Variants in ADGRF5 observed in about 807,000 individuals in gnomAD.
ADGRF5 encodes the protein G-protein coupled receptor 116.
ADGRF5 carries 75 observed loss-of-function variants against 132.3 expected under a neutral mutation model. The observed-to-expected ratio is 0.57, with a 90% confidence interval of 0.47 to 0.69. The LOEUF is 0.69. Ranked by LOEUF, ADGRF5 falls within the 30% of genes least tolerant of loss-of-function variation. The probability of loss-of-function intolerance (pLI) is 0.00; values close to 1 mark genes in which losing one functional copy is unlikely to be tolerated. For synonymous variants in ADGRF5, 629 were observed against 597.6 expected (o/e 1.05, Z -0.77); for missense variants, 1,516 against 1,630.6 (o/e 0.93, Z 1.21).
chr6:46,873,892 A>G (rs1442140195), intron 10 of ADGRF5, among the ~76,000 whole-genome samples: 1 of 151,920 alleles, frequency 6.6e-6, no homozygotes, highest in African/African-American at 2.4e-5. Flanking sequence ...CTCACCTTTT[A>G]CCCCTACTCA....
chr6:46,944,875 C>T (rs571645493), intron 1 of ADGRF5, among the ~76,000 whole-genome samples: 1 of 152,226 alleles, frequency 6.6e-6, no homozygotes, highest in African/African-American at 2.4e-5. Flanking sequence ...GTCTTATGAA[C>T]TTCTGGGAGA....
intron 1 of ADGRF5, among the ~76,000 whole-genome samples, chr6:46,915,584 T>A (rs55771214): frequency 1.3e-5 from 2 of 152,282 alleles, no homozygotes; most frequent in African/African-American, 2.4e-5. Context: ...ATGGCCCCCA[T>A]CCATTCCATC....
intron 4 of ADGRF5, among the ~76,000 whole-genome samples, chr6:46,884,816 A>T (rs1315445167): frequency 6.6e-6 from 1 of 152,208 alleles, no homozygotes; most frequent in South Asian, 2.1e-4. Context: ...AAGACACATC[A>T]TGGAGAGGTC....
intron 1 of ADGRF5, among the ~76,000 whole-genome samples, chr6:46,914,039 A>AATGAGCCTGAAAATAG (rs1776214253): frequency 6.6e-6 from 1 of 152,182 alleles, no homozygotes; most frequent in Non-Finnish European, 1.5e-5. Context: ...ATAGAGACTA[A>AATGAGCCTGAAAATAG]ATGAGCCTGA....
chr6:46,894,701 A>T (rs1773993148), intron 3 of ADGRF5, among the ~76,000 whole-genome samples: 1 of 152,202 alleles, frequency 6.6e-6, no homozygotes, highest in African/African-American at 2.4e-5. Flanking sequence ...TGTGAGCCAT[A>T]CTTTGCTTAT....
chr6:46,892,699 G>A (rs1206427827), intron 3 of ADGRF5, among the ~76,000 whole-genome samples: 2 of 152,100 alleles, frequency 1.3e-5, no homozygotes, highest in Non-Finnish European at 2.9e-5. Flanking sequence ...GCAGTGAGCC[G>A]AGATTGCGCC....
intron 14 of ADGRF5, among the ~76,000 whole-genome samples, chr6:46,864,076 C>T (rs1770090857): frequency 6.6e-6 from 1 of 152,184 alleles, no homozygotes; most frequent in Admixed American, 6.5e-5. Context: ...AGTCCTGTTG[C>T]TGGGAAGATT....
chr6:46,867,227 C>T, intron 12 of ADGRF5, 90 bp from the exon 13 acceptor site: 1 of 727,958 alleles, frequency 1.4e-6, no homozygotes, highest in Non-Finnish European at 2.4e-6. Context: ...GCTTAATTTT[C>T]CCTCTCAAGC....
intron 11 of ADGRF5, chr6:46,869,460 C>G: frequency 1.2e-6 from 1 of 819,494 alleles, no homozygotes; most frequent in Non-Finnish European, 1.5e-6. Flanking sequence ...TAAGGGAGAA[C>G]AAATGGCCGG....
At chr6:46,925,364 A>G (rs529688401), upstream of ADGRF5, among the ~76,000 whole-genome samples, 196 of 152,220 alleles carry the variant, frequency 1.3e-3, 1 homozygote, top group Non-Finnish European at 2.0e-3. Context: ...ATCACTCCAC[A>G]TCCCCCCTAC....
In ADGRF5 at chr6:46,946,658, C is replaced by T. The variant is rs147859758; in HGVS notation, c.-25+8076G>A. 7.3e-3 allele frequency among the ~76,000 whole-genome samples: 1,116 copies of T among 152,214 alleles called. 12 individuals carry two copies. The highest frequency in any genetic ancestry group is 0.025 in the African/African-American group (1,051 of 41,532). ...GGCAGGAGCACGGGAGAGCTGAGCT[C>T]TGGAGGCAGGGAAGGGTCCCTCTTC... On this transcript the variant is annotated intron_variant, in intron 1 of 20. Transcript: ENST00000265417.
chr6:46,938,220 G>T (rs1777921414), intron 1 of ADGRF5, among the ~76,000 whole-genome samples: 1 of 152,162 alleles, frequency 6.6e-6, no homozygotes, highest in South Asian at 2.1e-4. Flanking sequence ...TAACATTCCA[G>T]GTGCCTTCTA....
intron 3 of ADGRF5, among the ~76,000 whole-genome samples, chr6:46,892,074 G>C (rs530427095): frequency 6.6e-6 from 1 of 151,872 alleles, no homozygotes; most frequent in South Asian, 2.1e-4. Flanking sequence ...TTAGCAGGCT[G>C]TTGGCTTACT....
intron 16 of ADGRF5, among the ~76,000 whole-genome samples, chr6:46,860,245 T>C (rs1383312787): frequency 1.3e-5 from 2 of 152,160 alleles, no homozygotes; most frequent in African/African-American, 4.8e-5. Context: ...CTGGTTTATT[T>C]GTTTGTTTGT....
intron 4 of ADGRF5, among the ~76,000 whole-genome samples, chr6:46,886,127 C>T (rs1254217649): frequency 6.6e-6 from 1 of 152,194 alleles, no homozygotes; most frequent in African/African-American, 2.4e-5. Context: ...ACCAAAGTCA[C>T]ATCTTTGGGA....
chr6:46,871,966 T>G lies in ADGRF5; in HGVS notation c.1288A>C (p.Lys430Gln), dbSNP rs1372551498. ...CTTGGGCACTGGGTTCCATCAGCCT[T>G]GAGGGTGTATCTGCTGCAGCTAGAA... The part of the protein sequence containing the change: ...IDSSCSRYTL[K>Q]ADGTQCPSGS... The change falls in exon 11 of 21, where the codon AAG becomes CAG. Residue 430 changes from lysine (K) to glutamine (Q), a missense_variant. Lys to Gln is a moderately conservative substitution (Grantham distance 53). Transcript: ENST00000283296. 11 of 1,613,010 alleles carry G rather than the reference T, an allele frequency of 6.8e-6. No homozygotes were observed. The highest frequency in any genetic ancestry group is 9.3e-6 in the Non-Finnish European group (11 of 1,179,246).
intron 3 of ADGRF5, among the ~76,000 whole-genome samples, chr6:46,895,954 G>A (rs1003101462): frequency 6.6e-6 from 1 of 151,978 alleles, no homozygotes; most frequent in Non-Finnish European, 1.5e-5. Flanking sequence ...CACTCCTGAA[G>A]AGTCACAGGG....
intron 10 of ADGRF5, among the ~76,000 whole-genome samples, chr6:46,876,820 G>A (rs954503465): frequency 6.6e-6 from 1 of 152,136 alleles, no homozygotes; most frequent in Non-Finnish European, 1.5e-5. Context: ...GGCCAGGCTC[G>A]TCTCCAATGC....
rs935735046 is a variant in ADGRF5 at position 46,921,308 on chromosome 6, T to C, written c.-25+405A>G. On this transcript the variant is annotated intron_variant, in intron 1 of 20. Coordinates refer to ENST00000283296, the MANE Select transcript of ADGRF5 (RefSeq NM_001098518.2). ...GATGCAGCCTCTTCCTTCCTCAGCC[T>C]GACCACAGCAATGGCCGACTGGCCC... 5.9e-5 allele frequency among the ~76,000 whole-genome samples: 9 copies of C among 152,326 alleles called. No homozygotes were observed. The South Asian group carries it at 1.9e-3, about 32-fold the overall frequency.
Sources: allele counts gnomAD v4.1 joint callset (sites outside exome capture counted in the v4.1 genomes callset), GRCh38; gene constraint gnomAD v4.1.1; transcripts MANE v1.5; gene names NCBI Gene and HGNC (gene_info 2026-07-23, HGNC 2026-07-21).